Variants in CSGALNACT1 observed in about 807,000 individuals in gnomAD.
CSGALNACT1 encodes the protein beta4GalNAcT-1.
CSGALNACT1 carries 52 observed loss-of-function variants against 51.0 expected under a neutral mutation model. That is an observed-to-expected ratio of 1.02 (90% CI 0.82 to 1.29). The LOEUF (loss-of-function observed/expected upper bound fraction) is 1.29. Among genes scored for constraint, CSGALNACT1 ranks in the 50% most tolerant of loss-of-function variants. The pLI is 0.00. For synonymous variants in CSGALNACT1, 341 were observed against 254.4 expected (o/e 1.34, Z -3.24); for missense variants, 935 against 679.2 (o/e 1.38, Z -4.19).
intron 4 of CSGALNACT1, among the ~76,000 whole-genome samples, chr8:19,467,785 G>T (rs902243818): frequency 1.3e-5 from 2 of 152,164 alleles, no homozygotes; most frequent in Non-Finnish European, 2.9e-5. Context: ...AGGAGTTCCA[G>T]ATCAGCCTGG....
intron 1 of CSGALNACT1, among the ~76,000 whole-genome samples, chr8:19,727,667 G>A (rs903409738): frequency 4.6e-5 from 7 of 152,152 alleles, no homozygotes; most frequent in African/African-American, 1.7e-4. Flanking sequence ...TATCAAGACG[G>A]TGATATTCTC....
At chr8:19,439,318 T>C (rs1301728451) in intron 6 of CSGALNACT1, among the ~76,000 whole-genome samples, 1 of 152,352 alleles carries the variant, frequency 6.6e-6, no homozygotes, top group African/African-American at 2.4e-5. Context: ...GATCCTGCCT[T>C]GGCCACCACG....
At chr8:19,676,084 T>TTAAA (rs1554800831) in intron 1 of CSGALNACT1, among the ~76,000 whole-genome samples, 4 of 106,202 alleles carry the variant, frequency 3.8e-5, no homozygotes, top group Non-Finnish European at 3.8e-5. Context: ...TTGTCTGATT[T>TTAAA]AAAAAACAAA....
intron 1 of CSGALNACT1, among the ~76,000 whole-genome samples, chr8:19,692,317 G>A (rs1285922891): frequency 1.1e-4 from 16 of 152,214 alleles, no homozygotes; most frequent in Admixed American, 1.0e-3. Context: ...AATGTTACCT[G>A]CCCTTCAGGT....
chr8:19,686,692 G>A (rs1170248834), upstream of CSGALNACT1, among the ~76,000 whole-genome samples: 3 of 152,200 alleles, frequency 2.0e-5, no homozygotes, highest in East Asian at 1.9e-4. Context: ...CCTCTCCCTT[G>A]TGCCTAGATA....
At chr8:19,630,012 C>T (rs1420518891) in intron 1 of CSGALNACT1, among the ~76,000 whole-genome samples, 2 of 152,126 alleles carry the variant, frequency 1.3e-5, no homozygotes, top group African/African-American at 2.4e-5. Flanking sequence ...CTAAAGATCT[C>T]AACATAGAAT....
At chr8:19,756,942 G>A (rs1255053598) in intron 1 of CSGALNACT1, among the ~76,000 whole-genome samples, 2 of 150,744 alleles carry the variant, frequency 1.3e-5, no homozygotes, top group African/African-American at 2.4e-5. Flanking sequence ...CGCCCACCTG[G>A]AGGCGCCGCG....
intron 3 of CSGALNACT1, among the ~76,000 whole-genome samples, chr8:19,551,326 T>C (rs936364314): frequency 1.3e-5 from 2 of 152,040 alleles, no homozygotes; most frequent in African/African-American, 4.8e-5. Context: ...ATTCCACCAT[T>C]TTCTGAGCAA....
chr8:19,614,811 G>A (rs2052770513), intron 1 of CSGALNACT1, among the ~76,000 whole-genome samples: 1 of 152,190 alleles, frequency 6.6e-6, no homozygotes, highest in Admixed American at 6.5e-5. Context: ...ACAATTCAGA[G>A]CATTTCTGCT....
At chr8:19,599,472 A>ATAAGAAAG (rs1554751246) in intron 2 of CSGALNACT1, among the ~76,000 whole-genome samples, 1 of 113,736 alleles carries the variant, frequency 8.8e-6, no homozygotes, top group Non-Finnish European at 1.7e-5. Flanking sequence ...GAAAGAAAGA[A>ATAAGAAAG]AAAGAAAGAA....
At chr8:19,613,166 T>C (rs2052534412) in intron 1 of CSGALNACT1, among the ~76,000 whole-genome samples, 1 of 152,156 alleles carries the variant, frequency 6.6e-6, no homozygotes, top group South Asian at 2.1e-4. Context: ...ACCATGTCTA[T>C]TTTTCTATAA....
intron 1 of CSGALNACT1, among the ~76,000 whole-genome samples, chr8:19,668,871 G>T (rs1317436718): frequency 6.6e-6 from 1 of 152,114 alleles, no homozygotes; most frequent in African/African-American, 2.4e-5. Flanking sequence ...TATTTAAAAT[G>T]GGAAAATGGG....
intron 1 of CSGALNACT1, among the ~76,000 whole-genome samples, chr8:19,730,328 G>A (rs946687488): frequency 1.3e-5 from 2 of 152,176 alleles, no homozygotes; most frequent in African/African-American, 2.4e-5. Context: ...GCTGGCTGCG[G>A]TGGGATTTGA....
chr8:19,426,512 T>G (rs529828272), intron 6 of CSGALNACT1, among the ~76,000 whole-genome samples: 1 of 152,340 alleles, frequency 6.6e-6, no homozygotes, highest in South Asian at 2.1e-4. Flanking sequence ...TACGGTAGGA[T>G]GGGGGCACTA....
Position 19,418,779 on chromosome 8 carries a change from A to C in CSGALNACT1, c.1133-29T>G, listed in dbSNP as rs773050188. ...CAAACCAGAAAACAAACATTCACTT[A>C]AAGTGACAGATCCAAGTAGTAGGTT... On this transcript the variant is annotated intron_variant, in intron 7 of 9. Transcript: ENST00000454498. The C allele has an allele frequency of 5.5e-6, 8 of 1,458,970 alleles. No individual in the cohort carries two copies. In the East Asian group the frequency reaches 9.1e-5, roughly 17 times the overall value. The allele number at this position is 1,458,970 out of a possible 1,614,324, so 90.4% of individuals were successfully genotyped here.
At chr8:19,753,355 T>TA (rs148080694) in intron 1 of CSGALNACT1, among the ~76,000 whole-genome samples, 25,177 of 151,900 alleles carry the variant, frequency 0.17, 2,262 homozygotes, top group Middle Eastern at 0.26. Flanking sequence ...CTTGATTTTT[T>TA]AAAAAAAACC....
At chr8:19,473,845 C>T (rs951683991) in intron 4 of CSGALNACT1, among the ~76,000 whole-genome samples, 1 of 152,092 alleles carries the variant, frequency 6.6e-6, no homozygotes, top group African/African-American at 2.4e-5. Context: ...GAAACCACAG[C>T]AAGCTGAAGA....
intron 1 of CSGALNACT1, among the ~76,000 whole-genome samples, chr8:19,724,771 G>A (rs1248096407): frequency 6.6e-6 from 1 of 152,204 alleles, no homozygotes; most frequent in Non-Finnish European, 1.5e-5. Flanking sequence ...GAGTCCCACA[G>A]CCTTGTGGGT....
At chr8:19,476,293 C>T (rs975061759) in intron 4 of CSGALNACT1, among the ~76,000 whole-genome samples, 1 of 152,264 alleles carries the variant, frequency 6.6e-6, no homozygotes, top group East Asian at 1.9e-4. Flanking sequence ...AGGTAGAGTT[C>T]AATGGCAAGA....
Sources: gnomAD v4.1 joint callset for allele counts (sites outside exome capture counted in the v4.1 genomes callset) on GRCh38, gnomAD v4.1.1 for gene constraint, MANE v1.5 for transcripts, NCBI Gene and HGNC (gene_info 2026-07-23, HGNC 2026-07-21) for gene names.